The following SF3B3 variants were observed in gnomAD, a reference collection of about 807,000 sequenced individuals.
The protein encoded by SF3B3 is splicing factor 3b subunit 3.
In SF3B3, 33 loss-of-function variants were observed where a neutral mutation model predicts 139.2. The ratio of observed to expected loss-of-function variants is 0.24; its 90% confidence interval spans 0.18 to 0.32. SF3B3 has a LOEUF of 0.32. SF3B3 is among the 10% of genes least tolerant of loss of function. SF3B3 has a pLI of 1.00. For missense variants in SF3B3, 818 were observed against 1,509.4 expected (o/e 0.54, Z 7.59); for synonymous variants, 596 against 563.6 (o/e 1.06, Z -0.81).
At chr16:70,556,388 C>T in intron 14 of SF3B3, 54 bp downstream of exon 14, 1 of 1,583,710 alleles carries the variant, frequency 6.3e-7, no homozygotes, top group Non-Finnish European at 8.7e-7. Context: ...GAGCATCTGG[C>T]TCCTGATGTC....
chr16:70,559,768 CTTT>C (rs35881730), intron 15 of SF3B3, among the ~76,000 whole-genome samples: 1 of 144,878 alleles, frequency 6.9e-6, no homozygotes, highest in Non-Finnish European at 1.5e-5. Context: ...CTGAAAACTC[CTTT>C]TTTTTTTTTT....
chr16:70,572,858 T>A lies in SF3B3; in HGVS notation c.*1045T>A, dbSNP rs2050542632. 1 of 152,314 alleles carries A rather than the reference T, an allele frequency of 6.6e-6. No homozygotes were observed. Among genetic ancestry groups the A allele is most frequent in the African/African-American group, 2.4e-5 (1 of 41,458 alleles). The allele number at this position is 152,314 out of a possible 1,614,324, so 9.4% of individuals were successfully genotyped here. ...TTCCAGAAATGTTCCAGCCCACCCCTGAGAATTCCTCCTGTTTAGTTGTGT... is the reference window on the plus strand; with the variant it reads ...TTCCAGAAATGTTCCAGCCCACCCCAGAGAATTCCTCCTGTTTAGTTGTGT... On this transcript the variant is annotated 3_prime_UTR_variant, in exon 26 of 26. Coordinates refer to ENST00000302516, the MANE Select transcript of SF3B3 (RefSeq NM_012426.5).
rs115610896 is a variant in SF3B3 at position 70,553,405 on chromosome 16, C to T, written c.1403-1041C>T. Among the ~76,000 whole-genome samples the T allele has an allele frequency of 2.0e-3, 309 of 152,272 alleles. 1 individual carries two copies. The highest frequency in any genetic ancestry group is 6.1e-3 in the African/African-American group (254 of 41,560). On this transcript the variant is annotated intron_variant, in intron 11 of 25. Transcript: ENST00000302516. ...AGCTCTTGACAAGTGCTTAGGCAGA[C>T]GGGTCCTATAGCTGCTACTGCTAGG...
chr16:70,564,149 T>C (rs2151793132), intron 18 of SF3B3, 99 bp downstream of exon 18: 1 of 1,252,128 alleles, frequency 8.0e-7, no homozygotes, highest in Admixed American at 2.2e-5. Flanking sequence ...GGTGGGAGGA[T>C]TGCTTGAGGC....
In SF3B3 at chr16:70,573,646, A is replaced by G. The variant is rs574234497; in HGVS notation, c.*1833A>G. 6.6e-6 allele frequency: 1 copy of G among 152,328 alleles called. No individual in the cohort carries two copies. Among genetic ancestry groups the G allele is most frequent in the South Asian group, 2.1e-4 (1 of 4,828 alleles). The allele number at this position is 152,328 out of a possible 1,614,324, so 9.4% of individuals were successfully genotyped here. On this transcript the variant is annotated 3_prime_UTR_variant, in exon 26 of 26. Coordinates refer to ENST00000302516, the MANE Select transcript of SF3B3 (RefSeq NM_012426.5). ...ATTAGATTGGATGTGACTCAATGACAAGTCCCATCTGTGTAATTGTTAAGG... is the reference window on the plus strand; with the variant it reads ...ATTAGATTGGATGTGACTCAATGACGAGTCCCATCTGTGTAATTGTTAAGG...
Position 70,572,509 on chromosome 16 carries a change from A to G in SF3B3, c.*696A>G, listed in dbSNP as rs1460001944. 9.8e-5 allele frequency: 16 copies of G among 162,488 alleles called. No homozygotes were observed. Among genetic ancestry groups the G allele is most frequent in the African/African-American group, 9.6e-5 (4 of 41,566 alleles). The allele number at this position is 162,488 out of a possible 1,614,324, so 10.1% of individuals were successfully genotyped here. A position where few individuals can be genotyped will look rare whatever the true frequency, so the allele number is the denominator to read the frequency against. ...CTGATGAAACATGACCTCAATAACCATGTGTATACCCACCCCTCTTCCCAC... is the reference window on the plus strand; with the variant it reads ...CTGATGAAACATGACCTCAATAACCGTGTGTATACCCACCCCTCTTCCCAC... On this transcript the variant is annotated 3_prime_UTR_variant, in exon 26 of 26. Coordinates refer to ENST00000302516, the MANE Select transcript of SF3B3 (RefSeq NM_012426.5).
chr16:70,542,040 T>C (rs1052554345), intron 9 of SF3B3, among the ~76,000 whole-genome samples: 2 of 152,140 alleles, frequency 1.3e-5, no homozygotes, highest in African/African-American at 4.8e-5. Flanking sequence ...AAAATGCAGA[T>C]CATATTCCTG....
At chr16:70,540,254 C>G (rs2050207142) in intron 8 of SF3B3, among the ~76,000 whole-genome samples, 2 of 151,530 alleles carry the variant, frequency 1.3e-5, no homozygotes, top group Admixed American at 1.3e-4. Flanking sequence ...ATGAGCTGGT[C>G]TCAAACCAGC....
intron 7 of SF3B3, 125 bp downstream of exon 7, chr16:70,538,585 G>C: frequency 1.3e-6 from 1 of 758,764 alleles, no homozygotes; most frequent in South Asian, 2.1e-5. Context: ...CGGTATATGA[G>C]TATAGATTTT....
intron 22 of SF3B3, 33 bp downstream of exon 22, chr16:70,568,528 A>G: frequency 6.4e-7 from 1 of 1,554,360 alleles, no homozygotes; most frequent in African/African-American, 1.4e-5. Flanking sequence ...GGTTACAGTG[A>G]TGTGTAGGAA....
chr16:70,572,130 A>T lies in SF3B3; in HGVS notation c.*317A>T, dbSNP rs1368343596. The T allele has an allele frequency of 1.9e-6, 1 of 537,458 alleles. No individual in the cohort carries two copies. Among genetic ancestry groups the T allele is most frequent in the South Asian group, 1.5e-5 (1 of 65,226 alleles). 33.3% of individuals were successfully genotyped at this position (537,458 alleles called of 1,614,324 possible). A position where few individuals can be genotyped will look rare whatever the true frequency, so the allele number is the denominator to read the frequency against. ...TCTTGACTCTCCTGTCTACTTTTGC[A>T]CACACCCTTAATTTTTAATTGGTTT... On this transcript the variant is annotated 3_prime_UTR_variant, in exon 26 of 26. Coordinates refer to ENST00000302516, the MANE Select transcript of SF3B3 (RefSeq NM_012426.5).
chr16:70,529,477 T>C, intron 3 of SF3B3: 2 of 458,282 alleles, frequency 4.4e-6, no homozygotes, highest in Non-Finnish European at 7.9e-6. Flanking sequence ...AATGATCTTA[T>C]GTTATTAGAC....
intron 13 of SF3B3, 40 bp from the exon 14 acceptor site, chr16:70,556,139 C>G (rs2050377977): frequency 6.2e-7 from 1 of 1,609,590 alleles, no homozygotes; most frequent in Non-Finnish European, 8.5e-7. Context: ...TAGACCCATC[C>G]CTCTGTAGTT....
intron 3 of SF3B3, 97 bp from the exon 4 acceptor site, chr16:70,530,648 A>C: frequency 2.9e-6 from 3 of 1,026,088 alleles, no homozygotes; most frequent in Non-Finnish European, 4.4e-6. Flanking sequence ...GCTGTTAATA[A>C]TGATTAAAAG....
At chr16:70,564,386 G>T (rs1432118643) in intron 18 of SF3B3, among the ~76,000 whole-genome samples, 1 of 152,178 alleles carries the variant, frequency 6.6e-6, no homozygotes, top group East Asian at 1.9e-4. Flanking sequence ...TTAAACTCCT[G>T]TAATTGTTAG....
intron 8 of SF3B3, among the ~76,000 whole-genome samples, chr16:70,541,058 A>T (rs898593970): frequency 2.0e-5 from 3 of 152,192 alleles, no homozygotes; most frequent in Admixed American, 2.0e-4. Flanking sequence ...TACATTCCCA[A>T]CAGCAGTATA....
chr16:70,547,169 A>G (rs531260266), intron 10 of SF3B3, among the ~76,000 whole-genome samples: 20 of 152,346 alleles, frequency 1.3e-4, no homozygotes, highest in Admixed American at 1.1e-3. Context: ...AGACTATAGC[A>G]TAGTTGACAG....
At chr16:70,538,197 C>G (rs150312398) in intron 6 of SF3B3, 126 bp from the exon 7 acceptor site, 7 of 849,898 alleles carry the variant, frequency 8.2e-6, no homozygotes, top group South Asian at 1.4e-5. Flanking sequence ...TGGCAGGACA[C>G]TGTGGATCAA....
At chr16:70,524,506 TTTTTGTTTTG>T (rs938875606) in intron 1 of SF3B3, 1 of 152,252 alleles carries the variant, frequency 6.6e-6, no homozygotes, top group African/African-American at 2.4e-5. Flanking sequence ...GGGGAAGTTT[TTTTTGTTTTG>T]TTTTGTTTTG....
Sources: allele counts gnomAD v4.1 joint callset (sites outside exome capture counted in the v4.1 genomes callset), GRCh38; gene constraint gnomAD v4.1.1; transcripts MANE v1.5; gene names NCBI Gene and HGNC (gene_info 2026-07-23, HGNC 2026-07-21).